Variants in LYSMD3 observed in about 807,000 individuals in gnomAD.
LYSMD3 encodes the protein LysM domain containing 3.
LYSMD3 carries 13 observed loss-of-function variants against 26.1 expected under a neutral mutation model. That is an observed-to-expected ratio of 0.50 (90% confidence interval 0.32 to 0.79). The LOEUF is 0.79. Ranked by LOEUF, LYSMD3 falls within the 30% of genes least tolerant of loss-of-function variation. The probability of loss-of-function intolerance (pLI) is 0.03; values close to 1 mark genes in which losing one functional copy is unlikely to be tolerated. For synonymous variants in LYSMD3, 109 were observed against 119.4 expected, an observed-to-expected ratio of 0.91 and a Z score of 0.57; for missense variants, 331 against 362.5, an observed-to-expected ratio of 0.91 and a Z score of 0.71.
Position 90,518,746 on chromosome 5 carries a change from A to G in LYSMD3, c.*73T>C. On this transcript the variant is annotated 3_prime_UTR_variant, in exon 3 of 3. Coordinates refer to ENST00000315948, the MANE Select transcript of LYSMD3 (RefSeq NM_198273.2). ...CTCTCTAAATTCTGCCTTTGAAGCTATTATTGGATATAACTGATTCACCAC... is the reference window on the plus strand; with the variant it reads ...CTCTCTAAATTCTGCCTTTGAAGCTGTTATTGGATATAACTGATTCACCAC... 1 of 1,353,270 alleles carries G rather than the reference A, an allele frequency of 7.4e-7. No individual in the cohort carries two copies. Among genetic ancestry groups the G allele is most frequent in the South Asian group, 1.4e-5 (1 of 71,518 alleles). 83.8% of individuals were successfully genotyped at this position (1,353,270 alleles called of 1,614,324 possible).
chr5:90,529,359 G>A, intron 1 of LYSMD3, 89 bp downstream of exon 1: 4 of 455,960 alleles, frequency 8.8e-6, no homozygotes, highest in Non-Finnish European at 1.3e-5. Context: ...ACCTGTGGCC[G>A]AGGCTCAGCG....
rs147031026 is a variant in LYSMD3, at chr5:90,518,454, C to T, written c.*365G>A. The T allele has an allele frequency of 1.2e-3, 207 of 169,046 alleles. 3 individuals are homozygous for T. The highest frequency in any genetic ancestry group is 1.9e-3 in the African/African-American group (80 of 42,038). 10.5% of individuals were successfully genotyped at this position (169,046 alleles called of 1,614,324 possible). Reference sequence around the variant, plus strand: ...GTAGTAAATTTTTTTCAGCTGCAGACATCTGATGCTATCATTCTGCATCAT... The same window carrying T: ...GTAGTAAATTTTTTTCAGCTGCAGATATCTGATGCTATCATTCTGCATCAT... On this transcript the variant is annotated 3_prime_UTR_variant, in exon 3 of 3. Coordinates refer to ENST00000315948, the MANE Select transcript of LYSMD3 (RefSeq NM_198273.2).
rs538359608 is a variant in LYSMD3, at chr5:90,529,533, C to A, written c.-97G>T. The A allele has an allele frequency of 3.1e-3, 1,412 of 456,710 alleles. 7 individuals carry two copies. Among genetic ancestry groups the A allele is most frequent in the Non-Finnish European group, 5.3e-3 (1,205 of 226,968 alleles). The allele number at this position is 456,710 out of a possible 1,614,324, so 28.3% of individuals were successfully genotyped here. On this transcript the variant is annotated 5_prime_UTR_variant, in exon 1 of 3. Transcript: ENST00000315948. Reference sequence around the variant, plus strand: ...TGTCCCGGGTAAGTTCATGGCCGAGCCTCTGCTTTGGGCTGACCCCGTCCG... The same window carrying A: ...TGTCCCGGGTAAGTTCATGGCCGAGACTCTGCTTTGGGCTGACCCCGTCCG...
chr5:90,525,174 A>G lies in LYSMD3; in HGVS notation c.116T>C (p.Val39Ala), dbSNP rs764128325. 7.4e-6 allele frequency: 12 copies of G among 1,614,106 alleles called. No homozygotes were observed. The South Asian group carries it at 1.3e-4, about 18-fold the overall frequency. ...TTTTCCTCTGGATCGAAGTTCATACACTTCAGCATCCTCCTCCAAAATATC... is the reference window on the plus strand; with the variant it reads ...TTTTCCTCTGGATCGAAGTTCATACGCTTCAGCATCCTCCTCCAAAATATC... ...DSDILEEDAE[V>A]YELRSRGKEK... is the part of the protein sequence containing the mutation. The change falls in exon 2 of 3, where the codon GTG (valine) becomes GCG (alanine). Residue 39 changes from valine to alanine, a missense_variant. By Grantham distance (64) the Val-to-Ala change is moderately conservative. Transcript: ENST00000315948.
Position 90,519,312 on chromosome 5 carries a change from T to C in LYSMD3, c.428A>G (p.Glu143Gly), listed in dbSNP as rs1391885178. Residue 143 changes from glutamate (E) to glycine (G), a missense_variant, in exon 3 of 3, where the codon GAA becomes GGA. Physicochemically the swap from Glu to Gly is moderately conservative, Grantham distance 98 (BLOSUM62 -2). Around this residue, in one of 3 missense-constraint regions of LYSMD3, gnomAD observed 262 missense variants for 267.3 expected, o/e 0.98. Transcript: ENST00000315948. ...AAGAGAATCATTAGCTGGCAAAATT[T>C]CCTGTTGTTCGGAAGAGTATTGAAC... is the stretch of plus-strand genomic sequence containing the variant. The part of the protein sequence containing the change: ...SSVQYSSEQQ[E>G]ILPANDSLAY... 1.2e-6 allele frequency: 2 copies of C among 1,613,974 alleles called. No homozygotes were observed. The highest frequency in any genetic ancestry group is 2.7e-5 in the African/African-American group (2 of 74,920).
At position 90,517,884 on chromosome 5, in the gene LYSMD3, T is replaced by C. The variant is rs1752987419; in HGVS notation, c.*935A>G. 6.6e-6 allele frequency: 1 copy of C among 152,620 alleles called. No homozygotes were observed. The allele number at this position is 152,620 out of a possible 1,614,324, so 9.5% of individuals were successfully genotyped here. On this transcript the variant is annotated 3_prime_UTR_variant, in exon 3 of 3. Coordinates refer to ENST00000315948, the MANE Select transcript of LYSMD3 (RefSeq NM_198273.2). ...AATCTGATTGGACCATATGAAATAA[T>C]GCTTATTTTTAATTCTGAAACTTGG...
intron 2 of LYSMD3, among the ~76,000 whole-genome samples, chr5:90,524,613 G>T (rs555219791): frequency 2.6e-5 from 4 of 152,044 alleles, no homozygotes; most frequent in African/African-American, 9.7e-5. Flanking sequence ...CTTTTTTGGA[G>T]ACGGAGTCTC....
rs780487922 is a variant in LYSMD3 at position 90,518,863 on chromosome 5, A to G, written c.877T>C (p.Tyr293His). The G allele has an allele frequency of 1.5e-5, 25 of 1,613,814 alleles. No homozygotes were observed. Among genetic ancestry groups the G allele is most frequent in the Non-Finnish European group, 2.0e-5 (24 of 1,179,898 alleles). ...HFSQQDDHKLYSQDSQSPAAQ... is the reference protein window; with the variant it reads ...HFSQQDDHKLHSQDSQSPAAQ... ...GCAGGTGACTGAGAATCTTGACTAT[A>G]CAGTTTATGATCATCTTGTTGGCTG... The change falls in exon 3 of 3, where the codon TAT (tyrosine) becomes CAT (histidine). Residue 293 changes from tyrosine (Y) to histidine (H), a missense_variant. Tyr to His is a moderately conservative substitution (Grantham distance 83, BLOSUM62 2). Coordinates refer to ENST00000315948, the MANE Select transcript of LYSMD3 (RefSeq NM_198273.2).
chr5:90,521,876 G>A (rs1274784297), intron 2 of LYSMD3, among the ~76,000 whole-genome samples: 1 of 151,824 alleles, frequency 6.6e-6, no homozygotes, highest in African/African-American at 2.4e-5. Flanking sequence ...ATTTCTAAGT[G>A]GAATATACCA....
Position 90,519,498 on chromosome 5 carries a change from A to C in LYSMD3, c.256-14T>G. ...GATATCTGCTACCTGTGGGGGGGAAAAAAAAGCAACATACAACTGAATTCC... is the reference window on the plus strand; with the variant it reads ...GATATCTGCTACCTGTGGGGGGGAACAAAAAGCAACATACAACTGAATTCC... On this transcript the variant is annotated splice_polypyrimidine_tract_variant and intron_variant, in intron 2 of 2. Transcript: ENST00000315948. 6.3e-7 allele frequency: 1 copy of C among 1,586,404 alleles called. No individual in the cohort carries two copies. Among genetic ancestry groups the C allele is most frequent in the Middle Eastern group, 1.7e-4 (1 of 5,908 alleles).
In LYSMD3 at chr5:90,519,473, G is replaced by C. The variant is rs1412553625; in HGVS notation, c.267C>G (p.Ile89Met). 1 of 1,599,546 alleles carries C rather than the reference G, an allele frequency of 6.3e-7. No homozygotes were observed. Among genetic ancestry groups the C allele is most frequent in the Admixed American group, 1.7e-5 (1 of 58,724 alleles). Reference protein sequence around the residue: ...ALQYCCTVADIKRVNNLISDQ... With the variant: ...ALQYCCTVADMKRVNNLISDQ... ...CACTGATGAGATTGTTAACTCTCTT[G>C]ATATCTGCTACCTGTGGGGGGGAAA... Residue 89 changes from isoleucine to methionine, a missense_variant, in exon 3 of 3, where the codon ATC (isoleucine) becomes ATG (methionine). Coordinates refer to ENST00000315948, the MANE Select transcript of LYSMD3 (RefSeq NM_198273.2).
At chr5:90,528,867 TG>T (rs1753287243) in intron 1 of LYSMD3, among the ~76,000 whole-genome samples, 1 of 152,234 alleles carries the variant, frequency 6.6e-6, no homozygotes, top group African/African-American at 2.4e-5. Flanking sequence ...TACTGTAGAA[TG>T]GCTGCTGGGT....
rs755091704 is a variant in LYSMD3 at position 90,519,409 on chromosome 5, C to T, written c.331G>A (p.Val111Ile). ...FFALRSIKIP[V>I]KKFSSLTETL... ...TCGGTCAAGGAACTGAACTTTTTTACTGGAATTTTGATAGACCTAAGGGCA... is the reference window on the plus strand; with the variant it reads ...TCGGTCAAGGAACTGAACTTTTTTATTGGAATTTTGATAGACCTAAGGGCA... The change falls in exon 3 of 3, where the codon GTA becomes ATA. Residue 111 changes from valine (V) to isoleucine (I), a missense_variant. Val to Ile is a conservative substitution (Grantham distance 29, BLOSUM62 3). Around this residue, in one of 3 missense-constraint regions of LYSMD3, gnomAD observed 262 missense variants for 267.3 expected, o/e 0.98. Transcript: ENST00000315948. 7.4e-6 allele frequency: 12 copies of T among 1,613,826 alleles called. No individual in the cohort carries two copies. In the Middle Eastern group the frequency reaches 1.2e-3, roughly 155 times the overall value.
At chr5:90,524,574 A>G (rs1398843642) in intron 2 of LYSMD3, among the ~76,000 whole-genome samples, 2 of 152,246 alleles carry the variant, frequency 1.3e-5, no homozygotes, top group Non-Finnish European at 2.9e-5. Context: ...AAACATCTAC[A>G]AATGTGACAC....
At position 90,518,882 on chromosome 5, in the gene LYSMD3, T is replaced by C; in HGVS notation, c.858A>G (p.Gln286=). ...GACTATACAGTTTATGATCATCTTG[T>C]TGGCTGAAATGTATTCCTTTAGTTG... The part of the protein sequence containing the change: ...IVPTKGIHFS[Q]QDDHKLYSQD... Residue 286 remains glutamine, a synonymous_variant, in exon 3 of 3, where the codon CAA becomes CAG. Coordinates refer to ENST00000315948, the MANE Select transcript of LYSMD3 (RefSeq NM_198273.2). 1 of 1,614,058 alleles carries C rather than the reference T, an allele frequency of 6.2e-7. No homozygotes were observed. Among genetic ancestry groups the C allele is most frequent in the Non-Finnish European group, 8.5e-7 (1 of 1,179,928 alleles).
At position 90,517,872 on chromosome 5, in the gene LYSMD3, C is replaced by T. The variant is rs1184035429; in HGVS notation, c.*947G>A. The T allele has an allele frequency of 1.3e-5, 2 of 152,362 alleles. No individual in the cohort carries two copies. Among genetic ancestry groups the T allele is most frequent in the Admixed American group, 6.6e-5 (1 of 15,250 alleles). The allele number at this position is 152,362 out of a possible 1,614,324, so 9.4% of individuals were successfully genotyped here. ...GCCTATGTAACGAATCTGATTGGACCATATGAAATAATGCTTATTTTTAAT... is the reference window on the plus strand; with the variant it reads ...GCCTATGTAACGAATCTGATTGGACTATATGAAATAATGCTTATTTTTAAT... On this transcript the variant is annotated 3_prime_UTR_variant, in exon 3 of 3. Transcript: ENST00000315948.
chr5:90,528,715 T>C (rs1446528453), intron 1 of LYSMD3, among the ~76,000 whole-genome samples: 2 of 152,170 alleles, frequency 1.3e-5, no homozygotes, highest in Non-Finnish European at 2.9e-5. Flanking sequence ...TTAATTCTCT[T>C]AGAGCAGGAA....
rs34548009 is a variant in LYSMD3, at chr5:90,519,495, GA to G, written c.256-12del. On this transcript the variant is annotated splice_polypyrimidine_tract_variant and intron_variant, in intron 2 of 2. Coordinates refer to ENST00000315948, the MANE Select transcript of LYSMD3 (RefSeq NM_198273.2). Reference sequence around the variant, plus strand: ...CTTGATATCTGCTACCTGTGGGGGGGAAAAAAAAGCAACATACAACTGAATT... The same window carrying G: ...CTTGATATCTGCTACCTGTGGGGGGGAAAAAAAGCAACATACAACTGAATT... 188 of 1,556,644 alleles carry G rather than the reference GA, an allele frequency of 1.2e-4. 1 individual carries two copies. The highest frequency in any genetic ancestry group is 5.9e-4 in the South Asian group (50 of 84,148).
At position 90,515,720 on chromosome 5, in the gene LYSMD3, A is replaced by G. The variant is rs2151919600; in HGVS notation, c.*3099T>C. 1.3e-5 allele frequency: 2 copies of G among 152,350 alleles called. No individual in the cohort carries two copies. The highest frequency in any genetic ancestry group is 4.1e-4 in the South Asian group (2 of 4,834). The allele number at this position is 152,350 out of a possible 1,614,324, so 9.4% of individuals were successfully genotyped here. On this transcript the variant is annotated 3_prime_UTR_variant, in exon 3 of 3. Coordinates refer to ENST00000315948, the MANE Select transcript of LYSMD3 (RefSeq NM_198273.2). ...AAAATTTTAAAAACTGGTTTTACAG[A>G]TACACATGCTAACAATGTTCTACAG... is the stretch of plus-strand genomic sequence containing the variant.
Sources: allele counts gnomAD v4.1 joint callset (sites outside exome capture counted in the v4.1 genomes callset), GRCh38; gene constraint gnomAD v4.1.1; regional missense constraint gnomAD v4.1.1; transcripts MANE v1.5; gene names NCBI Gene and HGNC (gene_info 2026-07-23, HGNC 2026-07-21).